Variants in TOX observed in about 807,000 individuals in gnomAD.
TOX encodes the protein thymocyte selection associated high mobility group box.
TOX carries 11 observed loss-of-function variants against 53.7 expected under a neutral mutation model. The observed-to-expected ratio is 0.20, with a 90% CI of 0.13 to 0.34. The LOEUF (loss-of-function observed/expected upper bound fraction) is 0.34. TOX is among the 10% of genes least tolerant of loss of function. The pLI is 1.00. For synonymous variants in TOX, 225 were observed against 245.3 expected, an observed-to-expected ratio of 0.92 and a Z score of 0.77; for missense variants, 570 against 664.6, an observed-to-expected ratio of 0.86 and a Z score of 1.56.
intron 1 of TOX, among the ~76,000 whole-genome samples, chr8:58,996,014 ACT>A: frequency 6.6e-6 from 1 of 152,040 alleles, no homozygotes; most frequent in Admixed American, 6.5e-5. Flanking sequence ...CTCTCCCCTT[ACT>A]CAATAAATAT....
intron 3 of TOX, among the ~76,000 whole-genome samples, chr8:58,857,216 C>T (rs1200425939): frequency 6.6e-6 from 1 of 152,126 alleles, no homozygotes; most frequent in Non-Finnish European, 1.5e-5. Context: ...CTTTTGGGAA[C>T]TTCATTTGCT....
chr8:58,838,214 G>A lies in TOX; in HGVS notation c.791C>T (p.Pro264Leu). The change falls in exon 5 of 9, where the codon CCT becomes CTT. Residue 264 changes from proline (P) to leucine (L), a missense_variant. Pro to Leu is a moderately conservative substitution (Grantham distance 98). This residue lies in a region of TOX where 49 missense variants were observed against 98.9 expected (regional missense o/e 0.50). Coordinates refer to ENST00000361421, the MANE Select transcript of TOX (RefSeq NM_014729.3). Reference protein sequence around the residue: ...KKKDPNEPQKPVSAYALFFRD... With the variant: ...KKKDPNEPQKLVSAYALFFRD... ...AAAGAATAACGCATAGGCAGACACA[G>A]GCTTCTGGGGCTCATTGGGATCCTT... is the stretch of plus-strand genomic sequence containing the variant. The A allele has an allele frequency of 6.2e-7, 1 of 1,614,184 alleles. No individual in the cohort carries two copies. Among genetic ancestry groups the A allele is most frequent in the Non-Finnish European group, 8.5e-7 (1 of 1,180,004 alleles).
At chr8:59,016,442 T>C (rs1814011136) in intron 1 of TOX, among the ~76,000 whole-genome samples, 1 of 152,212 alleles carries the variant, frequency 6.6e-6, no homozygotes, top group Non-Finnish European at 1.5e-5. Flanking sequence ...GTATTAAATA[T>C]ATTCAAGTGT....
chr8:58,845,336 ACTC>A (rs1308375758), intron 4 of TOX, among the ~76,000 whole-genome samples: 1 of 151,974 alleles, frequency 6.6e-6, no homozygotes, highest in East Asian at 1.9e-4. Flanking sequence ...AATATTATAA[ACTC>A]CTCTCCATAG....
At chr8:58,947,985 C>A (rs1319363370) in intron 2 of TOX, among the ~76,000 whole-genome samples, 3 of 152,238 alleles carry the variant, frequency 2.0e-5, no homozygotes, top group Admixed American at 1.3e-4. Flanking sequence ...TCAAAGCAAA[C>A]TTCAGGCTAC....
intron 2 of TOX, among the ~76,000 whole-genome samples, chr8:58,951,481 TA>T (rs954131249): frequency 4.0e-5 from 6 of 148,662 alleles, no homozygotes; most frequent in East Asian, 2.0e-4. Flanking sequence ...GCACAAGAAA[TA>T]AAAAAAAAAC....
intron 1 of TOX, among the ~76,000 whole-genome samples, chr8:59,047,783 T>C (rs1803716323): frequency 6.6e-6 from 1 of 152,156 alleles, no homozygotes; most frequent in Non-Finnish European, 1.5e-5. Flanking sequence ...CCATATAAGC[T>C]AATTTCAAAA....
At chr8:59,104,316 C>T (rs1327065443) in intron 1 of TOX, among the ~76,000 whole-genome samples, 9 of 152,106 alleles carry the variant, frequency 5.9e-5, no homozygotes, top group Non-Finnish European at 1.0e-4. Context: ...CCTGCAGGCC[C>T]CTCCCGGTTT....
chr8:59,085,042 T>C (rs1421179766), intron 1 of TOX, among the ~76,000 whole-genome samples: 3 of 152,074 alleles, frequency 2.0e-5, no homozygotes, highest in African/African-American at 4.8e-5. Flanking sequence ...AACAAAGAAA[T>C]ATAAAAAGTA....
At position 58,807,697 on chromosome 8, in the gene TOX, T is replaced by C. The variant is rs1810003140; in HGVS notation, c.*50A>G. 4 of 1,607,254 alleles carry C rather than the reference T, an allele frequency of 2.5e-6. No individual in the cohort carries two copies. Among genetic ancestry groups the C allele is most frequent in the Non-Finnish European group, 2.6e-6 (3 of 1,174,052 alleles). On this transcript the variant is annotated 3_prime_UTR_variant, in exon 9 of 9. Coordinates refer to ENST00000361421, the MANE Select transcript of TOX (RefSeq NM_014729.3). ...CTTGACTGTACAAAGCAATCCATGG[T>C]GAAAACACTTCCCTGAATTCCTCAG...
intron 1 of TOX, among the ~76,000 whole-genome samples, chr8:59,075,810 A>G (rs959153648): frequency 2.0e-5 from 3 of 152,014 alleles, no homozygotes; most frequent in Admixed American, 2.0e-4. Flanking sequence ...TCAGCATTAA[A>G]AGGTCAGGAA....
At chr8:59,091,068 AC>A (rs35507673) in intron 1 of TOX, among the ~76,000 whole-genome samples, 1 of 151,842 alleles carries the variant, frequency 6.6e-6, no homozygotes, top group Admixed American at 6.6e-5. Flanking sequence ...TCCAAAAATA[AC>A]CCCTTGGGCT....
intron 1 of TOX, among the ~76,000 whole-genome samples, chr8:59,063,085 T>C (rs1351662795): frequency 6.6e-6 from 1 of 152,190 alleles, no homozygotes; most frequent in Admixed American, 6.5e-5. Flanking sequence ...GGCCATCAAA[T>C]GCACATTTTG....
At chr8:58,896,513 TA>T (rs935878854) in intron 3 of TOX, among the ~76,000 whole-genome samples, 4 of 151,864 alleles carry the variant, frequency 2.6e-5, no homozygotes, top group African/African-American at 9.7e-5. Context: ...CTGTCTCTAC[TA>T]AAATACAAAA....
Position 58,862,195 on chromosome 8 carries a change from T to G in TOX, c.412-10390A>C, listed in dbSNP as rs550620861. 2.0e-5 allele frequency among the ~76,000 whole-genome samples: 3 copies of G among 152,268 alleles called. No individual in the cohort carries two copies. In the South Asian group the frequency reaches 6.2e-4, roughly 32 times the overall value. On this transcript the variant is annotated intron_variant, in intron 3 of 8. Coordinates refer to ENST00000361421, the MANE Select transcript of TOX (RefSeq NM_014729.3). ...GCATGGTATTAATAACTTGGAACAA[T>G]CATTCTAGGAAAATTACAATGTCTT...
chr8:58,873,418 G>A (rs1811229113), intron 3 of TOX, among the ~76,000 whole-genome samples: 1 of 152,072 alleles, frequency 6.6e-6, no homozygotes, highest in Non-Finnish European at 1.5e-5. Context: ...CATAGACAAA[G>A]TTTCATATCT....
chr8:59,109,770 T>C (rs928537003), intron 1 of TOX, among the ~76,000 whole-genome samples: 2 of 152,170 alleles, frequency 1.3e-5, no homozygotes, highest in African/African-American at 4.8e-5. Flanking sequence ...AGCTCATTAT[T>C]GGCTGGTAAT....
intron 1 of TOX, among the ~76,000 whole-genome samples, chr8:59,098,940 T>C (rs1239661520): frequency 6.6e-6 from 1 of 152,202 alleles, no homozygotes; most frequent in Non-Finnish European, 1.5e-5. Context: ...AGAGTGAAGT[T>C]TTCTGCCAAC....
chr8:59,063,430 T>C (rs1436641956), intron 1 of TOX, among the ~76,000 whole-genome samples: 1 of 149,098 alleles, frequency 6.7e-6, no homozygotes, highest in East Asian at 2.0e-4. Context: ...TATAGACTTT[T>C]TTTTTTTTTT....
Sources: gnomAD v4.1 joint callset for allele counts (sites outside exome capture counted in the v4.1 genomes callset) on GRCh38, gnomAD v4.1.1 for gene constraint, gnomAD v4.1.1 regional missense constraint, MANE v1.5 for transcripts, NCBI Gene and HGNC (gene_info 2026-07-23, HGNC 2026-07-21) for gene names.